Variants in SNX18 observed in about 807,000 individuals in gnomAD.
The protein encoded by SNX18 is sorting nexin-18.
In SNX18, 35 loss-of-function variants were observed where a neutral mutation model predicts 48.7. The observed-to-expected ratio is 0.72, with a 90% CI of 0.55 to 0.95. SNX18 has a LOEUF of 0.95. Among genes scored for constraint, SNX18 ranks in the 40% least tolerant of loss-of-function variants. The pLI is 0.00. For missense variants in SNX18, 824 were observed against 871.0 expected (o/e 0.95, Z 0.68); for synonymous variants, 492 against 384.7 (o/e 1.28, Z -3.26).
the SNX18 span, among the ~76,000 whole-genome samples, chr5:54,562,492 T>A: frequency 6.6e-6 from 1 of 152,154 alleles, no homozygotes; most frequent in Non-Finnish European, 1.5e-5. Flanking sequence ...TGTAGGTTGG[T>A]GGTCCATAAG....
chr5:54,559,822 TCTAA>T, the SNX18 span, among the ~76,000 whole-genome samples: 7 of 151,724 alleles, frequency 4.6e-5, no homozygotes, highest in Non-Finnish European at 8.8e-5. Context: ...CTGACAAAGG[TCTAA>T]TATCCAGCAT....
chr5:54,518,273 G>A lies in SNX18; in HGVS notation c.321G>A (p.Leu107=), dbSNP rs1405494436. ...CGCCGCCTGACGCCTTCCAGGCGCT[G>A]CTGCAGCCACAGCAGGCGCCGCCTC... is the stretch of plus-strand genomic sequence containing the variant. ...FKPPPDAFQA[L]LQPQQAPPPS... Residue 107 remains leucine, a synonymous_variant, in exon 1 of 2, where the codon CTG becomes CTA. Coordinates refer to ENST00000381410, the MANE Select transcript of SNX18 (RefSeq NM_001102575.2). 3 of 1,491,510 alleles carry A rather than the reference G, an allele frequency of 2.0e-6. No individual in the cohort carries two copies. The African/African-American group carries it at 4.4e-5, about 22-fold the overall frequency. 92.4% of individuals were successfully genotyped at this position (1,491,510 alleles called of 1,614,324 possible).
the SNX18 span, among the ~76,000 whole-genome samples, chr5:54,605,361 C>CT: frequency 2.6e-5 from 4 of 151,690 alleles, no homozygotes; most frequent in Admixed American, 6.6e-5. Context: ...GGGGTTTAGA[C>CT]TTTTTTTTAA....
At chr5:54,562,775 G>T in the SNX18 span, among the ~76,000 whole-genome samples, 1 of 152,182 alleles carries the variant, frequency 6.6e-6, no homozygotes, top group African/African-American at 2.4e-5. Context: ...AAAGTTAACT[G>T]TAAAACAGCT....
intron 1 of SNX18, among the ~76,000 whole-genome samples, chr5:54,532,407 T>A (rs1478752918): frequency 6.6e-6 from 1 of 151,492 alleles, no homozygotes; most frequent in Admixed American, 6.6e-5. Flanking sequence ...CCCCTATTTG[T>A]GTTCTCTGAA....
rs1199405577 is a variant in SNX18, at chr5:54,519,393, G to T, written c.1441G>T (p.Asp481Tyr). ...CGGCCTCAGCCAGGCCTTTGAGCTG[G>T]ACCAGCAGGCCTTCTCGGTGGGCCT... ...FRGLSQAFEL[D>Y]QQAFSVGLNQ... is the part of the protein sequence containing the mutation. Residue 481 changes from aspartate to tyrosine, a missense_variant, in exon 1 of 2, where the codon GAC becomes TAC. By Grantham distance (160) the Asp-to-Tyr change is radical (BLOSUM62 -3). This residue lies in a region of SNX18 where 443 missense variants were observed against 503.6 expected (regional missense o/e 0.88). Transcript: ENST00000381410. 6.2e-7 allele frequency: 1 copy of T among 1,613,692 alleles called. No individual in the cohort carries two copies.
the SNX18 span, among the ~76,000 whole-genome samples, chr5:54,589,689 C>T: frequency 2.0e-5 from 3 of 152,156 alleles, no homozygotes; most frequent in Admixed American, 6.6e-5. Flanking sequence ...CAAAGCTGAC[C>T]TTTGAAAGTG....
chr5:54,563,193 TAAG>T, the SNX18 span, among the ~76,000 whole-genome samples: 1 of 152,158 alleles, frequency 6.6e-6, no homozygotes, highest in African/African-American at 2.4e-5. Flanking sequence ...AATGTTAAAA[TAAG>T]TTTAGTGTAG....
At chr5:54,538,238 C>G (rs539234214) in intron 1 of SNX18, among the ~76,000 whole-genome samples, 14 of 152,336 alleles carry the variant, frequency 9.2e-5, no homozygotes, top group African/African-American at 3.4e-4. Flanking sequence ...ATCTAGCCAA[C>G]ACTTGTAATA....
chr5:54,593,867 AT>A, the SNX18 span, among the ~76,000 whole-genome samples: 1 of 152,262 alleles, frequency 6.6e-6, no homozygotes, highest in East Asian at 1.9e-4. Context: ...TTCATCTATT[AT>A]GGAAAACTCA....
chr5:54,637,209 G>A, the SNX18 span, among the ~76,000 whole-genome samples: 2 of 152,116 alleles, frequency 1.3e-5, no homozygotes, highest in Non-Finnish European at 2.9e-5. Context: ...AAATGTATCA[G>A]AATGGAGAGA....
At chr5:54,583,956 C>T in the SNX18 span, among the ~76,000 whole-genome samples, 15 of 151,482 alleles carry the variant, frequency 9.9e-5, no homozygotes, top group African/African-American at 3.4e-4. Flanking sequence ...TGCAGCTTGG[C>T]GAGCCACAGC....
At chr5:54,574,335 A>G in the SNX18 span, among the ~76,000 whole-genome samples, 1 of 152,224 alleles carries the variant, frequency 6.6e-6, no homozygotes, top group South Asian at 2.1e-4. Flanking sequence ...CCCATTTCTT[A>G]ACACTTAGAT....
At chr5:54,547,589 G>T (rs915707653), downstream of SNX18, among the ~76,000 whole-genome samples, 3 of 152,182 alleles carry the variant, frequency 2.0e-5, no homozygotes, top group Non-Finnish European at 2.9e-5. Flanking sequence ...ACCCATTTCT[G>T]CTGGGAAAGG....
the SNX18 span, among the ~76,000 whole-genome samples, chr5:54,640,764 A>C: frequency 6.6e-6 from 1 of 152,166 alleles, no homozygotes; most frequent in African/African-American, 2.4e-5. Flanking sequence ...AGGTTGATAA[A>C]AAAAAAATCA....
the SNX18 span, among the ~76,000 whole-genome samples, chr5:54,573,588 G>A: frequency 6.6e-6 from 1 of 152,196 alleles, no homozygotes; most frequent in Non-Finnish European, 1.5e-5. Flanking sequence ...CAGAATACAA[G>A]AAGTAGCAGA....
At chr5:54,563,067 C>T in the SNX18 span, among the ~76,000 whole-genome samples, 1 of 152,100 alleles carries the variant, frequency 6.6e-6, no homozygotes, top group African/African-American at 2.4e-5. Context: ...TGGACAGTTA[C>T]ACAATCTGTG....
At chr5:54,551,038 A>G (rs1762648816), downstream of SNX18, among the ~76,000 whole-genome samples, 1 of 152,084 alleles carries the variant, frequency 6.6e-6, no homozygotes, top group Admixed American at 6.6e-5. Flanking sequence ...TTCCTATTTT[A>G]AAAATAACGA....
the SNX18 span, among the ~76,000 whole-genome samples, chr5:54,589,753 A>G: frequency 6.6e-6 from 1 of 151,998 alleles, no homozygotes; most frequent in Non-Finnish European, 1.5e-5. Flanking sequence ...TGCCCAGTCA[A>G]TGGATTCTGC....
Sources: allele counts gnomAD v4.1 joint callset (sites outside exome capture counted in the v4.1 genomes callset), GRCh38; gene constraint gnomAD v4.1.1; regional missense constraint gnomAD v4.1.1; transcripts MANE v1.5; gene names NCBI Gene and HGNC (gene_info 2026-07-23, HGNC 2026-07-21).